SCAPER: variants seen among roughly 807,000 people sequenced by gnomAD.
The protein encoded by SCAPER is S phase cyclin A-associated protein in the endoplasmic reticulum.
A neutral mutation model predicts 182.2 loss-of-function variants in SCAPER; 98 were observed. That is an observed-to-expected ratio of 0.54 (90% CI 0.46 to 0.64). The LOEUF (loss-of-function observed/expected upper bound fraction) is 0.64. Ranked by LOEUF, SCAPER falls within the 30% of genes least tolerant of loss-of-function variation. SCAPER has a pLI of 0.00. For synonymous variants in SCAPER, 605 were observed against 564.6 expected (o/e 1.07, Z -1.01); for missense variants, 1,432 against 1,690.0 (o/e 0.85, Z 2.68).
intron 22 of SCAPER, among the ~76,000 whole-genome samples, chr15:76,607,556 G>C (rs1382331069): frequency 6.6e-6 from 1 of 152,128 alleles, no homozygotes; most frequent in African/African-American, 2.4e-5. Flanking sequence ...GGATTTGAAT[G>C]GTGGCCTGCC....
chr15:76,804,908 A>C (rs957924874), intron 5 of SCAPER, among the ~76,000 whole-genome samples: 1 of 152,164 alleles, frequency 6.6e-6, no homozygotes, highest in Non-Finnish European at 1.5e-5. Flanking sequence ...ATGAATTTTA[A>C]CATATAGAAA....
intron 24 of SCAPER, among the ~76,000 whole-genome samples, chr15:76,478,274 A>G (rs2050819478): frequency 6.6e-6 from 1 of 152,052 alleles, no homozygotes; most frequent in Non-Finnish European, 1.5e-5. Context: ...TTTTAAAAAT[A>G]ACTTACTAAG....
At position 76,637,759 on chromosome 15, in the gene SCAPER, T is replaced by A. The variant is rs1230449097; in HGVS notation, c.2646-15930A>T. On this transcript the variant is annotated intron_variant, in intron 21 of 31. Transcript: ENST00000563290. The stretch of plus-strand genomic sequence containing the variant: ...ATATATATATGTGTGTGTGTGTGTG[T>A]GTGTGTGTGTGTGTGTGTGTGTGTG... Among the ~76,000 whole-genome samples, 54 of 123,386 alleles carry A rather than the reference T, an allele frequency of 4.4e-4. 1 individual carries two copies. Among genetic ancestry groups the A allele is most frequent in the African/African-American group, 2.1e-3 (53 of 24,920 alleles). The allele number at this position is 123,386 out of a possible 152,430, so 80.9% of individuals were successfully genotyped here.
chr15:76,488,814 C>G (rs891016121), intron 24 of SCAPER, among the ~76,000 whole-genome samples: 1 of 145,464 alleles, frequency 6.9e-6, no homozygotes. Flanking sequence ...CAACCTCTGC[C>G]CCCCAGGTTC....
chr15:76,443,818 G>A (rs2047792082), intron 25 of SCAPER, among the ~76,000 whole-genome samples: 1 of 152,170 alleles, frequency 6.6e-6, no homozygotes, highest in Non-Finnish European at 1.5e-5. Flanking sequence ...AGCACTTCTT[G>A]GAAGAACTGC....
At chr15:76,887,896 C>A (rs2073939025) in intron 1 of SCAPER, among the ~76,000 whole-genome samples, 1 of 152,186 alleles carries the variant, frequency 6.6e-6, no homozygotes, top group Non-Finnish European at 1.5e-5. Flanking sequence ...GGAGACACCT[C>A]CCAGGAGGGG....
At chr15:76,587,243 T>C (rs978038111) in intron 22 of SCAPER, among the ~76,000 whole-genome samples, 5 of 152,208 alleles carry the variant, frequency 3.3e-5, no homozygotes, top group African/African-American at 1.2e-4. Flanking sequence ...AATCAGCTTT[T>C]TGTTTCATTT....
rs139883018 is a variant in SCAPER, at chr15:76,787,727, A to G, written c.772+7553T>C. On this transcript the variant is annotated intron_variant, in intron 8 of 31. Coordinates refer to ENST00000563290, the MANE Select transcript of SCAPER (RefSeq NM_020843.4). ...TACAAAAATTAACTTAAAATGGATC[A>G]CAGATTTAGTAATAAAATTTTAAAC... Among the ~76,000 whole-genome samples, 6 of 152,334 alleles carry G rather than the reference A, an allele frequency of 3.9e-5. No homozygotes were observed. In the East Asian group the frequency reaches 9.6e-4, roughly 24 times the overall value.
At chr15:76,504,555 T>C (rs915791412) in intron 24 of SCAPER, among the ~76,000 whole-genome samples, 2 of 152,232 alleles carry the variant, frequency 1.3e-5, no homozygotes, top group Admixed American at 6.5e-5. Context: ...TCTGTTACTA[T>C]TATTTATTTT....
chr15:76,863,948 T>C lies in SCAPER; in HGVS notation c.7-1415A>G, dbSNP rs147912323. Reference sequence around the variant, plus strand: ...GGGCAGCACTCTGGTTGACAGGCCCTAGCTGAATTCCCAGAGGACAGCATC... The same window carrying C: ...GGGCAGCACTCTGGTTGACAGGCCCCAGCTGAATTCCCAGAGGACAGCATC... On this transcript the variant is annotated intron_variant, in intron 2 of 31. Coordinates refer to ENST00000563290, the MANE Select transcript of SCAPER (RefSeq NM_020843.4). Among the ~76,000 whole-genome samples the C allele has an allele frequency of 2.9e-3, 436 of 152,222 alleles. 1 individual carries two copies. Among genetic ancestry groups the C allele is most frequent in the African/African-American group, 1.0e-2 (414 of 41,548 alleles).
rs1377166966 is a variant in SCAPER at position 76,389,542 on chromosome 15, G to A, written c.3468-7927C>T. Among the ~76,000 whole-genome samples, 19 of 142,872 alleles carry A rather than the reference G, an allele frequency of 1.3e-4. 1 individual carries two copies. Among genetic ancestry groups the A allele is most frequent in the South Asian group, 8.9e-4 (4 of 4,472 alleles). The allele number at this position is 142,872 out of a possible 152,430, so 93.7% of individuals were successfully genotyped here. ...AAAAAAAAAAAAAAAGGCCGGGCGC[G>A]GTGGCTCACACCTGTAATCCCAGCA... On this transcript the variant is annotated intron_variant, in intron 27 of 31. Transcript: ENST00000563290.
chr15:76,904,955 C>T (rs1428108232), intron 1 of SCAPER, among the ~76,000 whole-genome samples: 2 of 152,216 alleles, frequency 1.3e-5, no homozygotes, highest in Non-Finnish European at 2.9e-5. Flanking sequence ...AGTGAGGTGA[C>T]GCGGCAGCCC....
intron 23 of SCAPER, among the ~76,000 whole-genome samples, chr15:76,508,930 T>C (rs1054030206): frequency 1.3e-5 from 2 of 152,168 alleles, no homozygotes; most frequent in Admixed American, 6.5e-5. Context: ...TCATATAGTA[T>C]GTATAAATAT....
At chr15:76,836,985 A>G (rs2069010858) in intron 5 of SCAPER, among the ~76,000 whole-genome samples, 1 of 152,236 alleles carries the variant, frequency 6.6e-6, no homozygotes, top group Non-Finnish European at 1.5e-5. Context: ...CAACAATTTC[A>G]TAACAAAATC....
At chr15:76,509,223 A>G (rs1211921652) in intron 23 of SCAPER, among the ~76,000 whole-genome samples, 1 of 152,230 alleles carries the variant, frequency 6.6e-6, no homozygotes, top group Non-Finnish European at 1.5e-5. Flanking sequence ...AATTTTTAGT[A>G]GATTCTCAAA....
chr15:76,698,311 C>T (rs938516531), intron 20 of SCAPER, among the ~76,000 whole-genome samples: 1 of 152,106 alleles, frequency 6.6e-6, no homozygotes, highest in East Asian at 1.9e-4. Flanking sequence ...TGATTCAACT[C>T]AATGGACATT....
intron 25 of SCAPER, among the ~76,000 whole-genome samples, chr15:76,439,076 G>A (rs1474497993): frequency 3.3e-5 from 5 of 151,504 alleles, no homozygotes; most frequent in Non-Finnish European, 5.9e-5. Context: ...CATCTTCAGT[G>A]AGACAAAATG....
intron 21 of SCAPER, among the ~76,000 whole-genome samples, chr15:76,628,303 T>C (rs1377174208): frequency 6.6e-6 from 1 of 152,250 alleles, no homozygotes; most frequent in Non-Finnish European, 1.5e-5. Context: ...TTGTCAACTT[T>C]TTCTTCTGTT....
chr15:76,875,831 G>A (rs184394518), intron 2 of SCAPER, among the ~76,000 whole-genome samples: 1 of 152,226 alleles, frequency 6.6e-6, no homozygotes, highest in Admixed American at 6.5e-5. Flanking sequence ...TGGACCCAAA[G>A]AGTGAGCAGC....
Sources: gnomAD v4.1 joint callset for allele counts (sites outside exome capture counted in the v4.1 genomes callset) on GRCh38, gnomAD v4.1.1 for gene constraint, MANE v1.5 for transcripts, NCBI Gene and HGNC (gene_info 2026-07-23, HGNC 2026-07-21) for gene names.